The following ZC3H12D variants were observed in gnomAD, a reference collection of about 807,000 sequenced individuals.
The protein encoded by ZC3H12D is probable ribonuclease ZC3H12D.
Under a neutral mutation model 24.2 loss-of-function variants are expected in ZC3H12D, and 11 were observed. The ratio of observed to expected loss-of-function variants is 0.46; its 90% confidence interval spans 0.29 to 0.75. ZC3H12D has a LOEUF of 0.75. Among genes scored for constraint, ZC3H12D ranks in the 30% least tolerant of loss-of-function variants. ZC3H12D has a pLI of 0.11. For synonymous variants in ZC3H12D, 333 were observed against 341.8 expected (o/e 0.97, Z 0.28); for missense variants, 740 against 767.7 (o/e 0.96, Z 0.43).
chr6:149,466,128 G>T (rs1191081904), intron 2 of ZC3H12D, among the ~76,000 whole-genome samples: 1 of 152,068 alleles, frequency 6.6e-6, no homozygotes, highest in Non-Finnish European at 1.5e-5. Flanking sequence ...TGAGCAGAGA[G>T]CACTTTAAGC....
At position 149,450,586 on chromosome 6, in the gene ZC3H12D, T is replaced by A. The variant is rs1273339072; in HGVS notation, c.*97A>T. ...CATCTTTAAAGAAAAGGGGGCACCA[T>A]GATGGGCCCACTCAGGTCCAGGCTG... On this transcript the variant is annotated 3_prime_UTR_variant, in exon 6 of 6. Transcript: ENST00000409806. The A allele has an allele frequency of 1.5e-5, 18 of 1,225,828 alleles. No homozygotes were observed. The highest frequency in any genetic ancestry group is 2.0e-5 in the Non-Finnish European group (18 of 914,082). The allele number at this position is 1,225,828 out of a possible 1,614,324, so 75.9% of individuals were successfully genotyped here.
At chr6:149,455,484 C>T (rs1775964865) in intron 4 of ZC3H12D, among the ~76,000 whole-genome samples, 1 of 152,248 alleles carries the variant, frequency 6.6e-6, no homozygotes, top group African/African-American at 2.4e-5. Flanking sequence ...ATGGGAGCAA[C>T]AGCCCAGCTG....
chr6:149,474,120 A>C (rs2115011921), intron 2 of ZC3H12D, 119 bp downstream of exon 2: 1 of 869,310 alleles, frequency 1.2e-6, no homozygotes, highest in Non-Finnish European at 1.6e-6. Context: ...CAGGGATTCA[A>C]AGCCTGATCC....
chr6:149,468,398 TTCA>T (rs1776193869), intron 2 of ZC3H12D, among the ~76,000 whole-genome samples: 1 of 152,204 alleles, frequency 6.6e-6, no homozygotes, highest in Admixed American at 6.5e-5. Flanking sequence ...GCCAGCCAGT[TTCA>T]GTAACTAGAC....
Position 149,447,356 on chromosome 6 carries a change from A to C in ZC3H12D, c.*3327T>G, listed in dbSNP as rs1053109510. ...ACCTCTGCCTCCTGGGTTCAAGGTG[A>C]TTCTCCTGCCTCAGCCTCCCGAGCA... On this transcript the variant is annotated 3_prime_UTR_variant, in exon 6 of 6. Transcript: ENST00000409806. 2 of 152,172 alleles carry C rather than the reference A, an allele frequency of 1.3e-5. No individual in the cohort carries two copies. Among genetic ancestry groups the C allele is most frequent in the African/African-American group, 4.8e-5 (2 of 41,380 alleles). The allele number at this position is 152,172 out of a possible 1,614,324, so 9.4% of individuals were successfully genotyped here. A position where few individuals can be genotyped will look rare whatever the true frequency, so the allele number is the denominator to read the frequency against.
rs370003144 is a variant in ZC3H12D at position 149,468,573 on chromosome 6, C to T, written c.305+5666G>A. On this transcript the variant is annotated intron_variant, in intron 2 of 5. Coordinates refer to ENST00000409806, the MANE Select transcript of ZC3H12D (RefSeq NM_207360.3). ...GGGTCTGAGATGTGAAGGGAAGCTG[C>T]TCTTGCCACTCTGTTTCTTACTGGG... Among the ~76,000 whole-genome samples, 13 of 152,340 alleles carry T rather than the reference C, an allele frequency of 8.5e-5. 1 individual carries two copies. The highest frequency in any genetic ancestry group is 5.8e-4 in the East Asian group (3 of 5,184).
chr6:149,467,371 G>C (rs1043199254), intron 2 of ZC3H12D, among the ~76,000 whole-genome samples: 7 of 152,022 alleles, frequency 4.6e-5, no homozygotes, highest in Admixed American at 3.9e-4. Flanking sequence ...TCCCACCTCA[G>C]CCTCCCAAGT....
intron 2 of ZC3H12D, among the ~76,000 whole-genome samples, chr6:149,467,407 C>T (rs78816317): frequency 0.02 from 3,086 of 152,236 alleles, 74 homozygotes; most frequent in South Asian, 0.11. Context: ...TATGCACTGC[C>T]ACACCTGGCT....
intron 1 of ZC3H12D, among the ~76,000 whole-genome samples, chr6:149,477,003 T>C (rs1263623623): frequency 6.6e-6 from 1 of 152,272 alleles, no homozygotes; most frequent in African/African-American, 2.4e-5. Flanking sequence ...TTTAACCATA[T>C]GTCATAGGAT....
At chr6:149,480,178 C>T (rs995317509) in intron 1 of ZC3H12D, among the ~76,000 whole-genome samples, 4 of 152,210 alleles carry the variant, frequency 2.6e-5, no homozygotes, top group African/African-American at 7.2e-5. Flanking sequence ...CCAATGTCAA[C>T]TCATTCACAA....
intron 3 of ZC3H12D, 115 bp from the exon 4 acceptor site, chr6:149,457,015 G>A (rs745926692): frequency 2.1e-4 from 221 of 1,044,956 alleles, no homozygotes; most frequent in Admixed American, 7.0e-4. Flanking sequence ...TTTGAGGGGA[G>A]CGGGGAAAAA....
In ZC3H12D at chr6:149,456,701, C is replaced by T; in HGVS notation, c.645G>A (p.Glu215=). 1 of 1,613,518 alleles carries T rather than the reference C, an allele frequency of 6.2e-7. No homozygotes were observed. The highest frequency in any genetic ancestry group is 8.5e-7 in the Non-Finnish European group (1 of 1,179,654). ...CGAAGGAGAACATGAGCAGCCTCTG[C>T]TCGATGAACCACTTCCACTCGGGGT... ...SENPEWKWFI[E]QRLLMFSFVN... is the part of the protein sequence containing the mutation. Residue 215 remains glutamate, a synonymous_variant, in exon 4 of 6, where the codon GAG becomes GAA. Transcript: ENST00000409806. This position sits in a 1 kb window ranked among gnomAD's most constrained non-coding sequence, Gnocchi z 4.3.
At chr6:149,460,212 CAA>C (rs1776049894) in intron 3 of ZC3H12D, among the ~76,000 whole-genome samples, 1 of 152,220 alleles carries the variant, frequency 6.6e-6, no homozygotes, top group South Asian at 2.1e-4. Context: ...AAAATCCGAC[CAA>C]CATGATGTTC....
chr6:149,450,653 G>C lies in ZC3H12D; in HGVS notation c.*30C>G. The C allele has an allele frequency of 6.7e-7, 1 of 1,485,544 alleles. No individual in the cohort carries two copies. Among genetic ancestry groups the C allele is most frequent in the Non-Finnish European group, 9.0e-7 (1 of 1,114,546 alleles). The allele number at this position is 1,485,544 out of a possible 1,614,324, so 92.0% of individuals were successfully genotyped here. ...CCGTCCAAGACGCAAGGCGAGGCTG[G>C]GCCATTCCCTGCAAGTGCGTGTTGG... On this transcript the variant is annotated 3_prime_UTR_variant, in exon 6 of 6. Coordinates refer to ENST00000409806, the MANE Select transcript of ZC3H12D (RefSeq NM_207360.3).
At chr6:149,466,444 T>C (rs1007164862) in intron 2 of ZC3H12D, among the ~76,000 whole-genome samples, 1 of 152,076 alleles carries the variant, frequency 6.6e-6, no homozygotes, top group Non-Finnish European at 1.5e-5. Context: ...GTCCGTTTTC[T>C]GTGTCCCTGA....
At chr6:149,451,745 C>T (rs1275029010) in intron 5 of ZC3H12D, among the ~76,000 whole-genome samples, 1 of 152,212 alleles carries the variant, frequency 6.6e-6, no homozygotes, top group Non-Finnish European at 1.5e-5. Flanking sequence ...CCAGGGTATG[C>T]AGAGGAGTGT....
At chr6:149,454,372 A>G (rs138747583) in intron 4 of ZC3H12D, among the ~76,000 whole-genome samples, 1 of 152,310 alleles carries the variant, frequency 6.6e-6, no homozygotes, top group East Asian at 1.9e-4. Context: ...AAGATGTTTT[A>G]TGGGTTGCTG....
At chr6:149,462,329 C>T (rs1776087256) in intron 2 of ZC3H12D, among the ~76,000 whole-genome samples, 1 of 151,976 alleles carries the variant, frequency 6.6e-6, no homozygotes, top group South Asian at 2.1e-4. Flanking sequence ...AGCTGCAATC[C>T]CACCACTGCA....
chr6:149,464,186 C>G (rs2115006964), intron 2 of ZC3H12D, among the ~76,000 whole-genome samples: 1 of 152,204 alleles, frequency 6.6e-6, no homozygotes, highest in Middle Eastern at 3.4e-3. Context: ...TCATATGGGA[C>G]TCAGGAGGGA....
Sources: allele counts gnomAD v4.1 joint callset (sites outside exome capture counted in the v4.1 genomes callset), GRCh38; gene constraint gnomAD v4.1.1; non-coding constraint Gnocchi (gnomAD v3.1); transcripts MANE v1.5; gene names NCBI Gene and HGNC (gene_info 2026-07-23, HGNC 2026-07-21).